The following SCO2 variants were observed in gnomAD, a reference collection of about 807,000 sequenced individuals.
SCO2 encodes the protein cytochrome c oxidase assembly factor SCO2.
For missense variants in SCO2, 429 were observed against 348.7 expected (o/e 1.23, Z -1.83); for synonymous variants, 195 against 148.6 (o/e 1.31, Z -2.27).
chr22:50,526,131 C>G (rs863224248), upstream of SCO2: 121 of 1,488,256 alleles, frequency 8.1e-5, no homozygotes, highest in Non-Finnish European at 1.0e-4. Context: ...CCCGGACCAG[C>G]TCCACGGTGC....
At chr22:50,525,650 C>T, upstream of SCO2, 6 of 1,435,360 alleles carry the variant, frequency 4.2e-6, no homozygotes, top group Non-Finnish European at 9.6e-7. Context: ...GCTCTCAGCG[C>T]GTGCGCGGAA....
At chr22:50,525,398 G>A (rs1440767911) in intron 1 of SCO2, 74 bp downstream of exon 1, 1 of 313,198 alleles carries the variant, frequency 3.2e-6, no homozygotes, top group Non-Finnish European at 6.0e-6. Flanking sequence ...GCAGTAGCCG[G>A]AGCTGGGAAA....
intron 1 of SCO2, 113 bp from the exon 2 acceptor site, chr22:50,524,537 G>A: frequency 1.1e-6 from 1 of 945,282 alleles, no homozygotes; most frequent in Non-Finnish European, 1.7e-6. Context: ...CCACGTTCAG[G>A]CTTAACAGGC....
At chr22:50,526,263 A>G, upstream of SCO2, 1 of 1,538,478 alleles carries the variant, frequency 6.5e-7, no homozygotes, top group South Asian at 1.2e-5. Context: ...GGGCGCCAGC[A>G]GCTCCTCCTG....
upstream of SCO2, chr22:50,526,207 T>TG: frequency 5.4e-6 from 8 of 1,492,740 alleles, no homozygotes; most frequent in Non-Finnish European, 7.1e-6. Flanking sequence ...GGGAAGGGGA[T>TG]GGCGGAGGCG....
chr22:50,526,428 C>T (rs1373519372), upstream of SCO2: 1 of 1,510,078 alleles, frequency 6.6e-7, no homozygotes, highest in Admixed American at 2.1e-5. Flanking sequence ...CCGGGCAGCG[C>T]CCTGGGCCTG....
chr22:50,525,791 G>A (rs763533420), upstream of SCO2: 31 of 1,610,716 alleles, frequency 1.9e-5, no homozygotes, highest in Non-Finnish European at 2.5e-5. Context: ...GCGGCAGAAC[G>A]AGCTCTGCGA....
At chr22:50,524,615 C>G in intron 1 of SCO2, 191 bp from the exon 2 acceptor site, 1 of 712,160 alleles carries the variant, frequency 1.4e-6, no homozygotes, top group Non-Finnish European at 2.6e-6. Flanking sequence ...GCAACCACAC[C>G]TGTCACTCCT....
chr22:50,523,769 C>A lies in SCO2; in HGVS notation c.643G>T (p.Asp215Tyr). 1.2e-6 allele frequency: 2 copies of A among 1,614,166 alleles called. 1 individual carries two copies. Among genetic ancestry groups the A allele is most frequent in the South Asian group, 2.2e-5 (2 of 91,084 alleles). ...YRVYYNAGPK[D>Y]EDQDYIVDHS... ...TCCACGATGTAGTCCTGGTCCTCAT[C>A]CTTGGGGCCTGCATTGTAGTACACG... The change falls in exon 2 of 2, where the codon GAT (aspartate) becomes TAT (tyrosine). Residue 215 changes from aspartate (D) to tyrosine (Y), a missense_variant. By Grantham distance (160) the Asp-to-Tyr change is radical. Coordinates refer to ENST00000395693, the MANE Select transcript of SCO2 (RefSeq NM_005138.3).
intron 1 of SCO2, chr22:50,524,902 C>G (rs1324922319): frequency 1.7e-5 from 3 of 175,946 alleles, no homozygotes; most frequent in South Asian, 9.5e-5. Context: ...AAAACCTGCA[C>G]GACCTACCCC....
At position 50,523,863 on chromosome 22, in the gene SCO2, G is replaced by A. The variant is rs2069199493; in HGVS notation, c.549C>T (p.Asp183=). 6.2e-7 allele frequency: 1 copy of A among 1,614,000 alleles called. No individual in the cohort carries two copies. The highest frequency in any genetic ancestry group is 8.5e-7 in the Non-Finnish European group (1 of 1,180,040). Residue 183 remains aspartate, a synonymous_variant, in exon 2 of 2, where the codon GAC becomes GAT. Coordinates refer to ENST00000395693, the MANE Select transcript of SCO2 (RefSeq NM_005138.3). ...TCAGACCCAACAGTCTTGGGTGGAAGTCCTGGACGTAGCGGGCCATGGCTT... is the reference window on the plus strand; with the variant it reads ...TCAGACCCAACAGTCTTGGGTGGAAATCCTGGACGTAGCGGGCCATGGCTT... ...DVEAMARYVQ[D]FHPRLLGLTG...
chr22:50,525,582 G>A lies in SCO2; in HGVS notation c.-124C>T, dbSNP rs548436427. 5.8e-6 allele frequency: 5 copies of A among 869,098 alleles called. No homozygotes were observed. The Admixed American group carries it at 6.8e-5, about 12-fold the overall frequency. 53.8% of individuals were successfully genotyped at this position (869,098 alleles called of 1,614,324 possible). ...GGAAAGCGGGCGCCACACGCTCACAGGCAGGGCGCAGGCGTCCCCGGAGCT... is the reference window on the plus strand; with the variant it reads ...GGAAAGCGGGCGCCACACGCTCACAAGCAGGGCGCAGGCGTCCCCGGAGCT... On this transcript the variant is annotated 5_prime_UTR_variant, in exon 1 of 2. Coordinates refer to ENST00000395693, the MANE Select transcript of SCO2 (RefSeq NM_005138.3).
At chr22:50,525,801 A>T (rs755401488), upstream of SCO2, 1 of 1,610,840 alleles carries the variant, frequency 6.2e-7, no homozygotes, top group Non-Finnish European at 8.5e-7. Flanking sequence ...GAGCTCTGCG[A>T]AGGGCGAGGG....
chr22:50,526,328 G>T (rs771137260), upstream of SCO2: 2 of 1,561,684 alleles, frequency 1.3e-6, no homozygotes, highest in Non-Finnish European at 1.7e-6. Flanking sequence ...CCGAGCACAG[G>T]GCTCGGGCCA....
upstream of SCO2, chr22:50,525,755 C>T (rs1338794852): frequency 6.2e-6 from 10 of 1,609,288 alleles, no homozygotes; most frequent in South Asian, 1.1e-5. Flanking sequence ...GACAAGGTTT[C>T]GCGGCAAAGG....
chr22:50,525,064 G>A (rs891317571), intron 1 of SCO2, among the ~76,000 whole-genome samples: 1 of 152,216 alleles, frequency 6.6e-6, no homozygotes, highest in African/African-American at 2.4e-5. Flanking sequence ...TTGCGTTGGT[G>A]ACCTTTGAGC....
chr22:50,524,870 C>G, intron 1 of SCO2: 1 of 359,938 alleles, frequency 2.8e-6, no homozygotes, highest in Non-Finnish European at 5.5e-6. Flanking sequence ...CCAACCGCGG[C>G]CTTCCTCCAC....
chr22:50,525,660 A>T (rs74862340), upstream of SCO2: 130 of 1,497,004 alleles, frequency 8.7e-5, no homozygotes, highest in East Asian at 2.9e-3. Context: ...CGTGCGCGGA[A>T]GGCGGAGCCC....
At chr22:50,524,928 G>C (rs131808) in intron 1 of SCO2, 215,230 of 338,596 alleles carry the variant, frequency 0.64, 68,919 homozygotes, top group East Asian at 0.7. Flanking sequence ...CTCAGACTCT[G>C]CCCGCCGGCT....
Sources: allele counts gnomAD v4.1 joint callset (sites outside exome capture counted in the v4.1 genomes callset), GRCh38; gene constraint gnomAD v4.1.1; transcripts MANE v1.5; gene names NCBI Gene and HGNC (gene_info 2026-07-23, HGNC 2026-07-21).